Variants in CFAP210 observed in about 807,000 individuals in gnomAD.
The protein encoded by CFAP210 is cilia- and flagella- associated protein 210.
chr2:169,654,831 T>G, the CFAP210 span, among the ~76,000 whole-genome samples: 1 of 152,088 alleles, frequency 6.6e-6, no homozygotes, highest in Non-Finnish European at 1.5e-5. Flanking sequence ...AGTCATATGG[T>G]TCAAAAACCA....
At chr2:169,650,948 G>A in the CFAP210 span, among the ~76,000 whole-genome samples, 1 of 151,838 alleles carries the variant, frequency 6.6e-6, no homozygotes, top group African/African-American at 2.4e-5. Flanking sequence ...AATTTTTTAA[G>A]CTGGGCGTGG....
chr2:169,681,512 A>G, the CFAP210 span, among the ~76,000 whole-genome samples: 1 of 152,204 alleles, frequency 6.6e-6, no homozygotes, highest in Admixed American at 6.5e-5. Context: ...TCTTTAAAAT[A>G]GAGATCTCCT....
At chr2:169,665,527 T>C in the CFAP210 span, among the ~76,000 whole-genome samples, 2 of 152,080 alleles carry the variant, frequency 1.3e-5, no homozygotes, top group Non-Finnish European at 1.5e-5. Context: ...GATGGCTATC[T>C]GGGCTATTGG....
chr2:169,667,135 C>CTTTTTTTTTTTTTTTTTTT, the CFAP210 span, among the ~76,000 whole-genome samples: 1 of 120,284 alleles, frequency 8.3e-6, no homozygotes. Flanking sequence ...CACAAATTTT[C>CTTTTTTTTTTTTTTTTTTT]TTTTTTCTTT....
chr2:169,667,402 G>A, the CFAP210 span, among the ~76,000 whole-genome samples: 1 of 152,088 alleles, frequency 6.6e-6, no homozygotes, highest in African/African-American at 2.4e-5. Flanking sequence ...GCCTCCCAAA[G>A]TGCTGGGATT....
chr2:169,660,190 C>A, the CFAP210 span, among the ~76,000 whole-genome samples: 1 of 151,928 alleles, frequency 6.6e-6, no homozygotes, highest in East Asian at 1.9e-4. Flanking sequence ...AGTTCAAGAC[C>A]AGCCTGGCCA....
the CFAP210 span, among the ~76,000 whole-genome samples, chr2:169,682,814 A>G: frequency 6.6e-6 from 1 of 152,198 alleles, no homozygotes; most frequent in Non-Finnish European, 1.5e-5. Flanking sequence ...ACCATATATT[A>G]ACTATATGAA....
At chr2:169,656,097 T>C in the CFAP210 span, among the ~76,000 whole-genome samples, 1 of 152,096 alleles carries the variant, frequency 6.6e-6, no homozygotes, top group African/African-American at 2.4e-5. Context: ...GAGAACAGCC[T>C]GGGCAACATA....
chr2:169,652,537 G>C, the CFAP210 span, among the ~76,000 whole-genome samples: 1 of 151,998 alleles, frequency 6.6e-6, no homozygotes, highest in Non-Finnish European at 1.5e-5. Context: ...ATGAGGTTGA[G>C]GCTACAGGGC....
chr2:169,666,713 T>C, the CFAP210 span, among the ~76,000 whole-genome samples: 3 of 152,272 alleles, frequency 2.0e-5, no homozygotes, highest in East Asian at 5.8e-4. Flanking sequence ...TAGTACGTAA[T>C]GCTGTTGGAT....
the CFAP210 span, among the ~76,000 whole-genome samples, chr2:169,679,495 G>C: frequency 6.6e-6 from 1 of 151,880 alleles, no homozygotes; most frequent in African/African-American, 2.4e-5. Flanking sequence ...TGGCTAACAT[G>C]GTGAAAACCC....
At chr2:169,675,471 T>C in the CFAP210 span, among the ~76,000 whole-genome samples, 1 of 152,154 alleles carries the variant, frequency 6.6e-6, no homozygotes, top group Admixed American at 6.5e-5. Context: ...AGGCATGTCA[T>C]GGCCAGAGCA....
chr2:169,690,198 T>A, the CFAP210 span, among the ~76,000 whole-genome samples: 1 of 152,184 alleles, frequency 6.6e-6, no homozygotes, highest in African/African-American at 2.4e-5. Flanking sequence ...GATTTTTGCA[T>A]CTCTATTCAT....
At chr2:169,657,049 T>G in the CFAP210 span, among the ~76,000 whole-genome samples, 1 of 150,174 alleles carries the variant, frequency 6.7e-6, no homozygotes, top group South Asian at 2.1e-4. Context: ...GTTAATTCTA[T>G]AGCTGCCATT....
At chr2:169,676,657 C>CTTCCCTCT in the CFAP210 span, among the ~76,000 whole-genome samples, 1 of 152,086 alleles carries the variant, frequency 6.6e-6, no homozygotes, top group African/African-American at 2.4e-5. Flanking sequence ...TCATATAATT[C>CTTCCCTCT]TTCCCTCTTT....
the CFAP210 span, among the ~76,000 whole-genome samples, chr2:169,684,578 C>T: frequency 6.6e-6 from 1 of 152,190 alleles, no homozygotes; most frequent in Non-Finnish European, 1.5e-5. Context: ...TTATATCTGG[C>T]TTCTTTCACT....
the CFAP210 span, among the ~76,000 whole-genome samples, chr2:169,664,934 A>G: frequency 5.9e-5 from 9 of 152,240 alleles, no homozygotes; most frequent in Admixed American, 2.6e-4. Flanking sequence ...ACCACTACCC[A>G]AAATTTGGTT....
the CFAP210 span, among the ~76,000 whole-genome samples, chr2:169,673,498 G>A: frequency 6.6e-6 from 1 of 152,090 alleles, no homozygotes; most frequent in Non-Finnish European, 1.5e-5. Context: ...TGTTACTAAG[G>A]ACTGAATTGA....
At chr2:169,658,471 C>G in the CFAP210 span, 1 of 152,634 alleles carries the variant, frequency 6.6e-6, no homozygotes, top group South Asian at 2.1e-4. Context: ...CAGTAGAGAC[C>G]CCAATAATTA....
Sources: allele counts gnomAD v4.1 joint callset (sites outside exome capture counted in the v4.1 genomes callset), GRCh38; gene constraint gnomAD v4.1.1; transcripts MANE v1.5; gene names NCBI Gene and HGNC (gene_info 2026-07-23, HGNC 2026-07-21).